Variants in GRID1 observed in about 807,000 individuals in gnomAD.
GRID1 encodes the protein glutamate receptor ionotropic, delta-1.
A neutral mutation model predicts 98.0 loss-of-function variants in GRID1; 28 were observed. The observed-to-expected ratio is 0.29, with a 90% confidence interval of 0.21 to 0.39. The LOEUF (loss-of-function observed/expected upper bound fraction) is 0.39, where lower values mean the gene tolerates loss of function less well. Among genes scored for constraint, GRID1 ranks in the 10% least tolerant of loss-of-function variants. The probability of loss-of-function intolerance (pLI) is 1.00; values close to 1 mark genes in which losing one functional copy is unlikely to be tolerated. For synonymous variants in GRID1, 553 were observed against 538.5 expected (o/e 1.03, Z -0.37); for missense variants, 1,111 against 1,340.5 (o/e 0.83, Z 2.67).
intron 12 of GRID1, among the ~76,000 whole-genome samples, chr10:85,678,874 G>A (rs1263739015): frequency 6.6e-6 from 1 of 152,016 alleles, no homozygotes; most frequent in Non-Finnish European, 1.5e-5. Context: ...AATTTAAATT[G>A]CACCCTGAGC....
At chr10:86,085,290 C>T (rs1158562031) in intron 4 of GRID1, among the ~76,000 whole-genome samples, 1 of 152,198 alleles carries the variant, frequency 6.6e-6, no homozygotes, top group Non-Finnish European at 1.5e-5. Flanking sequence ...TGTCTGCCTG[C>T]CCACAGGGGC....
intron 4 of GRID1, among the ~76,000 whole-genome samples, chr10:86,092,455 C>T (rs1257022227): frequency 6.6e-6 from 1 of 152,106 alleles, no homozygotes; most frequent in South Asian, 2.1e-4. Context: ...AAAATATGAA[C>T]AAAGCTGCCA....
chr10:85,915,132 G>A (rs1427854271), intron 5 of GRID1, among the ~76,000 whole-genome samples: 1 of 152,012 alleles, frequency 6.6e-6, no homozygotes, highest in Non-Finnish European at 1.5e-5. Context: ...TCAGTCATGG[G>A]AGAGACTTTC....
intron 4 of GRID1, among the ~76,000 whole-genome samples, chr10:86,076,558 AAGTCCAC>A (rs1451041833): frequency 6.6e-6 from 1 of 152,220 alleles, no homozygotes; most frequent in Non-Finnish European, 1.5e-5. Flanking sequence ...GGAAGCTGGC[AAGTCCAC>A]AGTCTGTGAG....
Position 85,607,264 on chromosome 10 carries a change from T to TA in GRID1, c.2602-4564dup, listed in dbSNP as rs1448783592. 2.6e-5 allele frequency: 4 copies of TA among 152,350 alleles called. No homozygotes were observed. In the East Asian group the frequency reaches 7.7e-4, roughly 29 times the overall value. The allele number at this position is 152,350 out of a possible 1,614,324, so 9.4% of individuals were successfully genotyped here. A position where few individuals can be genotyped will look rare whatever the true frequency, so the allele number is the denominator to read the frequency against. On this transcript the variant is annotated intron_variant, in intron 15 of 15. Transcript: ENST00000327946. ...ACAGCCTGTTACACATGGGACTCCT[T>TA]AGAACAGACTTTGCTTGGAGTCCAA...
At chr10:85,803,185 T>C (rs987908662) in intron 8 of GRID1, among the ~76,000 whole-genome samples, 5 of 151,954 alleles carry the variant, frequency 3.3e-5, no homozygotes, top group East Asian at 1.9e-4. Context: ...AGTGTGACTA[T>C]AGACAATAAT....
intron 12 of GRID1, among the ~76,000 whole-genome samples, chr10:85,714,471 T>C (rs1841616336): frequency 6.6e-6 from 1 of 152,012 alleles, no homozygotes; most frequent in Non-Finnish European, 1.5e-5. Flanking sequence ...TGCATATATT[T>C]GCAGATGACG....
chr10:85,973,220 TC>T (rs781064547), intron 4 of GRID1, among the ~76,000 whole-genome samples: 7 of 152,224 alleles, frequency 4.6e-5, no homozygotes, highest in Non-Finnish European at 1.0e-4. Context: ...CAAATAATTT[TC>T]CCTTCACTTT....
intron 4 of GRID1, among the ~76,000 whole-genome samples, chr10:86,109,556 G>T (rs1479083398): frequency 6.6e-6 from 1 of 152,220 alleles, no homozygotes; most frequent in Non-Finnish European, 1.5e-5. Flanking sequence ...TTTGTGCCAG[G>T]TTGCCACTGC....
chr10:86,012,805 T>A (rs1466795391), intron 4 of GRID1, among the ~76,000 whole-genome samples: 2 of 152,234 alleles, frequency 1.3e-5, no homozygotes, highest in Admixed American at 1.3e-4. Flanking sequence ...AGACGCTGAA[T>A]CTGCTGGGAC....
At chr10:86,273,069 C>G (rs928521814) in intron 2 of GRID1, among the ~76,000 whole-genome samples, 1 of 151,922 alleles carries the variant, frequency 6.6e-6, no homozygotes, top group Non-Finnish European at 1.5e-5. Context: ...CCACTCCCCC[C>G]ACCCCACAAC....
intron 8 of GRID1, among the ~76,000 whole-genome samples, chr10:85,842,941 A>G (rs1483624387): frequency 5.3e-5 from 8 of 151,348 alleles, no homozygotes. Flanking sequence ...CAACAGCGAA[A>G]AAACAAAAAC....
At chr10:85,798,855 G>C (rs1420422874) in intron 8 of GRID1, among the ~76,000 whole-genome samples, 1 of 151,834 alleles carries the variant, frequency 6.6e-6, no homozygotes, top group Non-Finnish European at 1.5e-5. Flanking sequence ...TTTTTAGTTT[G>C]ATTTAATCTC....
At chr10:86,255,347 A>G (rs1345876683) in intron 2 of GRID1, among the ~76,000 whole-genome samples, 2 of 152,008 alleles carry the variant, frequency 1.3e-5, no homozygotes, top group Non-Finnish European at 2.9e-5. Context: ...AATTCACAAG[A>G]CTCTTTGGGA....
intron 8 of GRID1, among the ~76,000 whole-genome samples, chr10:85,846,821 T>C (rs1383842329): frequency 6.6e-6 from 1 of 152,200 alleles, no homozygotes; most frequent in East Asian, 1.9e-4. Flanking sequence ...GTGAAGCAGA[T>C]TGCTAAAAAT....
At chr10:86,066,135 A>G (rs943216676) in intron 4 of GRID1, among the ~76,000 whole-genome samples, 2 of 152,194 alleles carry the variant, frequency 1.3e-5, no homozygotes, top group Non-Finnish European at 2.9e-5. Context: ...AATTGCCCAC[A>G]CATAGCAGGA....
chr10:85,657,441 C>T (rs1840912422), intron 12 of GRID1, among the ~76,000 whole-genome samples: 1 of 152,190 alleles, frequency 6.6e-6, no homozygotes. Context: ...AATATGACCC[C>T]TACCTACAAT....
At chr10:85,953,555 A>C (rs1408610665) in intron 4 of GRID1, among the ~76,000 whole-genome samples, 1 of 152,204 alleles carries the variant, frequency 6.6e-6, no homozygotes, top group Non-Finnish European at 1.5e-5. Flanking sequence ...TGTGAGAAGA[A>C]ACTTCCAGAC....
intron 2 of GRID1, among the ~76,000 whole-genome samples, chr10:86,296,784 CACATACATACATACATACATACATACAT>C (rs3061904): frequency 2.5e-4 from 37 of 150,722 alleles, no homozygotes; most frequent in South Asian, 1.1e-3. Context: ...CATACATACA[CACATACATACATACATACATACATACAT>C]ACATACATAC....
Sources: allele counts gnomAD v4.1 joint callset (sites outside exome capture counted in the v4.1 genomes callset), GRCh38; gene constraint gnomAD v4.1.1; transcripts MANE v1.5; gene names NCBI Gene and HGNC (gene_info 2026-07-23, HGNC 2026-07-21).